Variants in TOGARAM1 observed in about 807,000 individuals in gnomAD.
TOGARAM1 encodes the protein TOG array regulator of axonemal microtubules 1, also known as TOG array regulator of axonemal microtubules protein 1.
TOGARAM1 carries 100 observed loss-of-function variants against 166.6 expected under a neutral mutation model. The ratio of observed to expected loss-of-function variants is 0.60; its 90% CI spans 0.51 to 0.71. The LOEUF is 0.71. Among genes scored for constraint, TOGARAM1 ranks in the 30% least tolerant of loss-of-function variants. The probability of loss-of-function intolerance (pLI) is 0.00; values close to 1 mark genes in which losing one functional copy is unlikely to be tolerated. For synonymous variants in TOGARAM1, 758 were observed against 763.8 expected (o/e 0.99, Z 0.13); for missense variants, 2,029 against 2,102.7 (o/e 0.96, Z 0.69).
At chr14:44,995,488 A>C (rs1461226561) in intron 1 of TOGARAM1, 5 of 498,196 alleles carry the variant, frequency 1.0e-5, no homozygotes, top group Non-Finnish European at 2.0e-5. Flanking sequence ...TTGTTGCCAG[A>C]GTCTGCTGTA....
At chr14:44,964,493 C>A in intron 1 of TOGARAM1, 26 bp downstream of exon 1, 2 of 1,513,956 alleles carry the variant, frequency 1.3e-6, no homozygotes, top group South Asian at 2.7e-5. Flanking sequence ...TTTCTTGAGT[C>A]GAAAGTGTGA....
intron 1 of TOGARAM1, among the ~76,000 whole-genome samples, chr14:44,985,170 C>T (rs1212964978): frequency 4.6e-5 from 7 of 152,100 alleles, no homozygotes; most frequent in South Asian, 2.1e-4. Flanking sequence ...TGGACCACCA[C>T]GCCTGGCTAA....
At chr14:45,069,214 C>T (rs1883271923) in intron 18 of TOGARAM1, among the ~76,000 whole-genome samples, 1 of 151,748 alleles carries the variant, frequency 6.6e-6, no homozygotes, top group African/African-American at 2.4e-5. Flanking sequence ...ACTATAAATA[C>T]AAAAATTAGC....
chr14:45,045,695 A>ATGTG (rs1491145345), intron 13 of TOGARAM1, among the ~76,000 whole-genome samples: 2 of 126,202 alleles, frequency 1.6e-5, no homozygotes, highest in Non-Finnish European at 3.3e-5. Flanking sequence ...ATATATACAC[A>ATGTG]TATATATGTG....
At chr14:44,995,228 A>G (rs1417741295) in intron 1 of TOGARAM1, among the ~76,000 whole-genome samples, 1 of 152,232 alleles carries the variant, frequency 6.6e-6, no homozygotes, top group Non-Finnish European at 1.5e-5. Context: ...GGTTTTAACT[A>G]AGAGACCTAG....
At chr14:45,002,468 G>T (rs1042745343) in intron 3 of TOGARAM1, among the ~76,000 whole-genome samples, 2 of 152,064 alleles carry the variant, frequency 1.3e-5, no homozygotes, top group African/African-American at 4.8e-5. Flanking sequence ...TTAATACTTG[G>T]TTATACATTA....
chr14:44,977,170 T>C (rs1027915904), intron 1 of TOGARAM1, among the ~76,000 whole-genome samples: 1 of 151,578 alleles, frequency 6.6e-6, no homozygotes, highest in African/African-American at 2.4e-5. Flanking sequence ...ATTGATTGAC[T>C]AGAAATAAAA....
chr14:44,964,273 A>G lies in TOGARAM1; in HGVS notation c.1852A>G (p.Arg618Gly). Residue 618 changes from arginine to glycine, a missense_variant, in exon 1 of 20, where the codon AGA (arginine) becomes GGA (glycine). By Grantham distance (125) the Arg-to-Gly change is moderately radical. Coordinates refer to ENST00000361462, the MANE Select transcript of TOGARAM1 (RefSeq NM_001308120.2). ...TACGGACTGGCTTTTGGCTGGTAAC[A>G]GAACTCAGAGTGCACACTGTCACTG... ...ADTDWLLAGN[R>G]TQSAHCHCGD... 6.2e-7 allele frequency: 1 copy of G among 1,614,208 alleles called. No homozygotes were observed. Among genetic ancestry groups the G allele is most frequent in the African/African-American group, 1.3e-5 (1 of 75,062 alleles).
chr14:45,012,969 C>T (rs563150219), intron 7 of TOGARAM1, among the ~76,000 whole-genome samples: 2 of 152,298 alleles, frequency 1.3e-5, no homozygotes, highest in South Asian at 4.1e-4. Flanking sequence ...CTGTTCCCCA[C>T]AGTGCAAATC....
Position 45,011,997 on chromosome 14 carries a change from G to A in TOGARAM1, c.3160G>A (p.Gly1054Arg), listed in dbSNP as rs1366258292. ...RIMSDIFPTF[G>R]SKPCPTRLSS... The stretch of plus-strand genomic sequence containing the variant: ...CAGGTCAGACATATTTCCAACATTT[G>A]GGTCAAAACCTTGTCCAACAAGACT... Residue 1054 changes from glycine (G) to arginine (R), a missense_variant, in exon 7 of 20, where the codon GGG becomes AGG. By Grantham distance (125) the Gly-to-Arg change is moderately radical. Around this residue, in one of 2 missense-constraint regions of TOGARAM1, gnomAD observed 1,453 missense variants for 1,432.2 expected, o/e 1.01. Transcript: ENST00000361462. 1.2e-6 allele frequency: 2 copies of A among 1,605,940 alleles called. No homozygotes were observed. Among genetic ancestry groups the A allele is most frequent in the South Asian group, 1.1e-5 (1 of 89,022 alleles).
chr14:45,001,197 T>G (rs558520993), intron 3 of TOGARAM1, among the ~76,000 whole-genome samples: 7 of 152,368 alleles, frequency 4.6e-5, no homozygotes, highest in South Asian at 2.1e-4. Flanking sequence ...ACATGATATC[T>G]TATTGTGGTT....
At position 44,975,250 on chromosome 14, in the gene TOGARAM1, C is replaced by G. The variant is rs530578889; in HGVS notation, c.2046+10783C>G. 7.9e-5 allele frequency among the ~76,000 whole-genome samples: 12 copies of G among 152,238 alleles called. No homozygotes were observed. In the East Asian group the frequency reaches 1.7e-3, roughly 22 times the overall value. On this transcript the variant is annotated intron_variant, in intron 1 of 19. Transcript: ENST00000361462. ...TGAATGAACTCAATGGATGCCCCCC[C>G]ACCAGGTGAAAGCCTAAACATAATA...
At chr14:44,991,912 A>G (rs1452324326) in intron 1 of TOGARAM1, among the ~76,000 whole-genome samples, 2 of 151,506 alleles carry the variant, frequency 1.3e-5, no homozygotes, top group Non-Finnish European at 2.9e-5. Context: ...TATTTTTTAT[A>G]TTTTTTACAA....
chr14:45,046,384 C>A (rs966715942), intron 13 of TOGARAM1, among the ~76,000 whole-genome samples, 161 bp from the exon 14 acceptor site: 2 of 152,168 alleles, frequency 1.3e-5, no homozygotes, highest in African/African-American at 2.4e-5. Context: ...TGCAGTAAGC[C>A]ATGATTGCAT....
chr14:45,064,793 C>G (rs1051018769), intron 16 of TOGARAM1, among the ~76,000 whole-genome samples: 3 of 152,122 alleles, frequency 2.0e-5, no homozygotes, highest in African/African-American at 7.2e-5. Flanking sequence ...TGAATTTAAG[C>G]CTCTCATTTT....
chr14:45,064,492 G>C (rs971964953), intron 16 of TOGARAM1, among the ~76,000 whole-genome samples: 1 of 151,744 alleles, frequency 6.6e-6, no homozygotes, highest in Non-Finnish European at 1.5e-5. Flanking sequence ...TTTTTTGAGG[G>C]CAGGGTCTTG....
chr14:44,999,548 G>A, intron 3 of TOGARAM1, 51 bp downstream of exon 3: 1 of 1,464,792 alleles, frequency 6.8e-7, no homozygotes, highest in Non-Finnish European at 9.2e-7. Flanking sequence ...ATATTATGTG[G>A]GGATTCCAAC....
chr14:44,978,620 T>C (rs1264756171), intron 1 of TOGARAM1, among the ~76,000 whole-genome samples: 1 of 151,674 alleles, frequency 6.6e-6, no homozygotes, highest in East Asian at 1.9e-4. Context: ...GCCTGGACAA[T>C]ATGGTAGGAC....
rs748783894 is a variant in TOGARAM1, at chr14:45,004,377, A to C, written c.2644+11A>C. 2 of 1,606,808 alleles carry C rather than the reference A, an allele frequency of 1.2e-6. No individual in the cohort carries two copies. The highest frequency in any genetic ancestry group is 1.7e-6 in the Non-Finnish European group (2 of 1,176,742). ...CGGGTAGAAATCATGGTAAAAGTCAATACTTTGTTCAAATTTATTTGTGTT... is the reference window on the plus strand; with the variant it reads ...CGGGTAGAAATCATGGTAAAAGTCACTACTTTGTTCAAATTTATTTGTGTT... On this transcript the variant is annotated intron_variant, in intron 4 of 19. Transcript: ENST00000361462.
Sources: gnomAD v4.1 joint callset for allele counts (sites outside exome capture counted in the v4.1 genomes callset) on GRCh38, gnomAD v4.1.1 for gene constraint, gnomAD v4.1.1 regional missense constraint, MANE v1.5 for transcripts, NCBI Gene and HGNC (gene_info 2026-07-23, HGNC 2026-07-21) for gene names.